The following PLA2G4A variants were observed in gnomAD, a reference collection of about 807,000 sequenced individuals.
The protein encoded by PLA2G4A is phospholipase A2 group IVA.
A neutral mutation model predicts 81.9 loss-of-function variants in PLA2G4A; 40 were observed. The observed-to-expected ratio is 0.49, with a 90% confidence interval of 0.38 to 0.64. The LOEUF (loss-of-function observed/expected upper bound fraction) is 0.64. Ranked by LOEUF, PLA2G4A falls within the 30% of genes least tolerant of loss-of-function variation. PLA2G4A has a pLI of 0.00. For missense variants in PLA2G4A, 715 were observed against 905.1 expected, an observed-to-expected ratio of 0.79 and a Z score of 2.69; for synonymous variants, 302 against 296.9, an observed-to-expected ratio of 1.02 and a Z score of -0.18.
chr1:186,862,870 G>C (rs1228768708), intron 2 of PLA2G4A, among the ~76,000 whole-genome samples: 1 of 152,168 alleles, frequency 6.6e-6, no homozygotes, highest in African/African-American at 2.4e-5. Context: ...AGTCCACTCA[G>C]TCACTGTTAC....
intron 2 of PLA2G4A, among the ~76,000 whole-genome samples, chr1:186,857,466 T>A (rs1558368600): frequency 7.5e-6 from 1 of 133,378 alleles, no homozygotes; most frequent in African/African-American, 2.8e-5. Context: ...ATATATAACA[T>A]GTATAATATA....
chr1:186,983,829 T>C lies in PLA2G4A; in HGVS notation c.2118+4357T>C, dbSNP rs571078253. Among the ~76,000 whole-genome samples, 3 of 152,322 alleles carry C rather than the reference T, an allele frequency of 2.0e-5. No individual in the cohort carries two copies. In the South Asian group the frequency reaches 6.2e-4, roughly 32 times the overall value. On this transcript the variant is annotated intron_variant, in intron 17 of 17. Transcript: ENST00000367466. ...ATTCAAATCCTTGCTCTGCGGCCTC[T>C]TGGCTGGGTGACATTGGGCATATTG...
At chr1:186,950,564 T>G (rs1281092774) in intron 12 of PLA2G4A, 93 bp from the exon 13 acceptor site, 9 of 708,262 alleles carry the variant, frequency 1.3e-5, no homozygotes, top group Non-Finnish European at 1.3e-5. Context: ...TAGATCTCAC[T>G]CTGTGGTTTT....
At chr1:186,937,517 G>A (rs1655995370) in intron 8 of PLA2G4A, among the ~76,000 whole-genome samples, 1 of 151,812 alleles carries the variant, frequency 6.6e-6, no homozygotes, top group South Asian at 2.1e-4. Flanking sequence ...CACATGTTGA[G>A]GGAACTGTTT....
chr1:186,897,696 A>G (rs1181578825), intron 5 of PLA2G4A, among the ~76,000 whole-genome samples: 1 of 151,812 alleles, frequency 6.6e-6, no homozygotes, highest in Non-Finnish European at 1.5e-5. Flanking sequence ...TTTAGTAGAG[A>G]CGGGGTTTCA....
intron 7 of PLA2G4A, among the ~76,000 whole-genome samples, chr1:186,919,888 G>C (rs892876556): frequency 8.5e-5 from 13 of 152,210 alleles, no homozygotes; most frequent in African/African-American, 2.9e-4. Context: ...ACAGGCAGGA[G>C]GGGGGGTGTT....
chr1:186,929,202 T>C (rs913202009), intron 7 of PLA2G4A, among the ~76,000 whole-genome samples: 1 of 152,226 alleles, frequency 6.6e-6, no homozygotes, highest in African/African-American at 2.4e-5. Context: ...ATGCCAGACA[T>C]ACCTCAGTTC....
chr1:186,890,553 G>A (rs932103558), intron 3 of PLA2G4A, among the ~76,000 whole-genome samples: 3 of 151,980 alleles, frequency 2.0e-5, no homozygotes, highest in African/African-American at 7.3e-5. Context: ...GTATTTATGT[G>A]AAATAGAAAA....
chr1:186,942,413 C>A (rs187304880), intron 10 of PLA2G4A, among the ~76,000 whole-genome samples: 1 of 152,134 alleles, frequency 6.6e-6, no homozygotes, highest in Non-Finnish European at 1.5e-5. Context: ...CCTTGTCTTA[C>A]AATACTTCTA....
chr1:186,832,250 C>T (rs1286016361), intron 1 of PLA2G4A, among the ~76,000 whole-genome samples: 4 of 151,868 alleles, frequency 2.6e-5, no homozygotes, highest in Non-Finnish European at 5.9e-5. Context: ...TGTTAGTATA[C>T]ATTTTTGTTT....
intron 3 of PLA2G4A, among the ~76,000 whole-genome samples, chr1:186,879,572 G>T (rs982988712): frequency 6.6e-6 from 1 of 151,844 alleles, no homozygotes; most frequent in African/African-American, 2.4e-5. Context: ...ATGTGAACTT[G>T]GACAAGTTAC....
intron 7 of PLA2G4A, among the ~76,000 whole-genome samples, chr1:186,913,061 G>C (rs1001123181): frequency 5.5e-5 from 7 of 128,352 alleles, no homozygotes; most frequent in Admixed American, 4.3e-4. Flanking sequence ...AAATGTGATG[G>C]GGAGAAAAAA....
chr1:186,905,655 C>A (rs1461900045), intron 5 of PLA2G4A, among the ~76,000 whole-genome samples: 1 of 152,026 alleles, frequency 6.6e-6, no homozygotes, highest in Non-Finnish European at 1.5e-5. Flanking sequence ...TAGTAATCAG[C>A]TATTTCTTGA....
intron 13 of PLA2G4A, among the ~76,000 whole-genome samples, chr1:186,951,127 TA>T (rs12720644): frequency 0.032 from 4,841 of 152,194 alleles, 283 homozygotes; most frequent in African/African-American, 0.11. Context: ...CATGAAAAAT[TA>T]TATTCTCACT....
intron 2 of PLA2G4A, among the ~76,000 whole-genome samples, chr1:186,858,531 A>C (rs1302339852): frequency 6.6e-6 from 1 of 152,028 alleles, no homozygotes; most frequent in Admixed American, 6.6e-5. Context: ...AGACTGCCAA[A>C]ATTTTCTCCC....
chr1:186,853,112 G>A (rs1652433012), intron 1 of PLA2G4A, among the ~76,000 whole-genome samples: 2 of 151,782 alleles, frequency 1.3e-5, no homozygotes, highest in African/African-American at 4.8e-5. Context: ...TGAAGAACGG[G>A]GGGAATCCTT....
chr1:186,842,230 A>C (rs1652009835), intron 1 of PLA2G4A, among the ~76,000 whole-genome samples: 1 of 151,956 alleles, frequency 6.6e-6, no homozygotes, highest in Non-Finnish European at 1.5e-5. Context: ...TTTAGTAGAG[A>C]CAGGGTTTCA....
At chr1:186,835,815 C>T (rs1353391931) in intron 1 of PLA2G4A, among the ~76,000 whole-genome samples, 3 of 152,054 alleles carry the variant, frequency 2.0e-5, no homozygotes, top group African/African-American at 4.8e-5. Context: ...GTCACAGCAG[C>T]GATTCTAATT....
intron 7 of PLA2G4A, among the ~76,000 whole-genome samples, chr1:186,923,258 GTCT>G (rs1426632684): frequency 6.6e-6 from 1 of 152,094 alleles, no homozygotes; most frequent in African/African-American, 2.4e-5. Context: ...TGAAAAAACT[GTCT>G]TCTTCATATA....
Sources: allele counts gnomAD v4.1 joint callset (sites outside exome capture counted in the v4.1 genomes callset), GRCh38; gene constraint gnomAD v4.1.1; transcripts MANE v1.5; gene names NCBI Gene and HGNC (gene_info 2026-07-23, HGNC 2026-07-21).